The following OSMR variants were observed in gnomAD, a reference collection of about 807,000 sequenced individuals.
OSMR encodes oncostatin-M-specific receptor subunit beta.
In OSMR, 81 loss-of-function variants were observed where a neutral mutation model predicts 99.9. The observed-to-expected ratio is 0.81, with a 90% CI of 0.68 to 0.97. The LOEUF is 0.97. Ranked by LOEUF, OSMR falls within the 50% of genes least tolerant of loss-of-function variation. The pLI, the probability that OSMR is intolerant of heterozygous loss-of-function variation, is 0.00. For missense variants in OSMR, 1,099 were observed against 1,153.4 expected, an observed-to-expected ratio of 0.95 and a Z score of 0.68; for synonymous variants, 406 against 410.4, an observed-to-expected ratio of 0.99 and a Z score of 0.13.
At chr5:38,879,038 C>T (rs930733358) in intron 3 of OSMR, among the ~76,000 whole-genome samples, 1 of 152,242 alleles carries the variant, frequency 6.6e-6, no homozygotes, top group Non-Finnish European at 1.5e-5. Flanking sequence ...GGGTATTCTA[C>T]ACACGGGCTG....
chr5:38,924,156 T>C (rs1049500842), intron 13 of OSMR: 1 of 177,262 alleles, frequency 5.6e-6, no homozygotes, highest in East Asian at 1.9e-4. Context: ...TTTTTGGCTA[T>C]GTGAGCTTGT....
intron 2 of OSMR, chr5:38,944,411 TA>T: frequency 6.3e-7 from 1 of 1,577,644 alleles, no homozygotes; most frequent in Non-Finnish European, 8.6e-7. Context: ...AAAAACAGAA[TA>T]AACAAATAAT....
intron 15 of OSMR, among the ~76,000 whole-genome samples, chr5:38,927,963 G>A (rs1331785609): frequency 6.6e-6 from 1 of 152,054 alleles, no homozygotes; most frequent in Admixed American, 6.6e-5. Flanking sequence ...CTAGGGCAGG[G>A]GCAAAATGCC....
At chr5:38,922,351 G>A (rs1265915656) in intron 12 of OSMR, among the ~76,000 whole-genome samples, 11 of 152,192 alleles carry the variant, frequency 7.2e-5, no homozygotes, top group Admixed American at 2.6e-4. Context: ...TGTTCAGAGG[G>A]TGATCAAGGT....
rs1018409232 is a variant in OSMR at position 38,876,374 on chromosome 5, G to A, written c.246+1G>A. ...TGAAACATCCAATGTCATCTGGGTG[G>A]TAAGTAATTTTTTTGGCTCAATATT... On this transcript the variant is annotated splice_donor_variant, in intron 3 of 17. Transcript: ENST00000274276. LOFTEE classifies it high-confidence loss of function. The A allele has an allele frequency of 1.2e-6, 2 of 1,611,610 alleles. No individual in the cohort carries two copies. The highest frequency in any genetic ancestry group is 1.7e-6 in the Non-Finnish European group (2 of 1,178,448).
chr5:38,937,303 C>G (rs1313232677), downstream of OSMR, among the ~76,000 whole-genome samples: 2 of 152,084 alleles, frequency 1.3e-5, no homozygotes, highest in Non-Finnish European at 2.9e-5. This position sits in a 1 kb window ranked among gnomAD's most constrained non-coding sequence, Gnocchi z 4.0. Context: ...AAAGTGCTGG[C>G]GTTACAGGCG....
chr5:38,930,920 TTGTGTGTGTGTGTGTGTG>T (rs55964556), intron 15 of OSMR, among the ~76,000 whole-genome samples: 132 of 141,982 alleles, frequency 9.3e-4, no homozygotes, highest in East Asian at 4.6e-3. Context: ...CAGAAGCATT[TTGTGTGTGTGTGTGTGTG>T]TGTGTGTGTG....
intron 7 of OSMR, among the ~76,000 whole-genome samples, chr5:38,890,637 C>T (rs528228061): frequency 6.7e-6 from 1 of 149,120 alleles, no homozygotes; most frequent in South Asian, 2.1e-4. Flanking sequence ...GGCTGAAATG[C>T]CTTAAGAAAA....
chr5:38,865,783 G>GCAGA (rs752053171), intron 1 of OSMR, among the ~76,000 whole-genome samples: 7 of 152,226 alleles, frequency 4.6e-5, no homozygotes, highest in Non-Finnish European at 7.3e-5. Flanking sequence ...GGCCAGGCAG[G>GCAGA]CAGACAGATC....
chr5:38,917,673 TGGAA>T, intron 10 of OSMR, 51 bp downstream of exon 10: 10 of 1,424,176 alleles, frequency 7.0e-6, no homozygotes, highest in Non-Finnish European at 9.9e-6. Context: ...GTCACATTTG[TGGAA>T]ACAAATGTGT....
At chr5:38,851,257 G>A (rs748424379) in intron 1 of OSMR, among the ~76,000 whole-genome samples, 7 of 152,172 alleles carry the variant, frequency 4.6e-5, no homozygotes, top group Non-Finnish European at 8.8e-5. Flanking sequence ...CTTAAAGTGA[G>A]TTATCTATAA....
chr5:38,936,479 G>A (rs1747047925), downstream of OSMR, among the ~76,000 whole-genome samples: 1 of 152,116 alleles, frequency 6.6e-6, no homozygotes, highest in African/African-American at 2.4e-5. Context: ...GGGGGAACTC[G>A]ACAATTCAAG....
At chr5:38,856,082 G>A (rs1218578824) in intron 1 of OSMR, among the ~76,000 whole-genome samples, 1 of 152,122 alleles carries the variant, frequency 6.6e-6, no homozygotes, top group Non-Finnish European at 1.5e-5. Flanking sequence ...GTGTTAGTCA[G>A]GGTCCCATCC....
At chr5:38,864,236 C>CT (rs1275131309) in intron 1 of OSMR, among the ~76,000 whole-genome samples, 1 of 151,884 alleles carries the variant, frequency 6.6e-6, no homozygotes, top group African/African-American at 2.4e-5. Flanking sequence ...TTTTTATATT[C>CT]TTTTTTCTTT....
At chr5:38,923,396 T>A (rs1469348808) in intron 13 of OSMR, 142 bp downstream of exon 13, 20 of 653,128 alleles carry the variant, frequency 3.1e-5, no homozygotes, top group Non-Finnish European at 5.5e-5. Flanking sequence ...GTTTTTAAAA[T>A]TATTTTTTAA....
At chr5:38,916,587 G>A (rs1266650621) in intron 9 of OSMR, among the ~76,000 whole-genome samples, 1 of 152,172 alleles carries the variant, frequency 6.6e-6, no homozygotes, top group African/African-American at 2.4e-5. Flanking sequence ...ATTATTATGT[G>A]TAAAAGAGAT....
intron 1 of OSMR, chr5:38,942,083 T>C (rs887452937): frequency 2.6e-6 from 1 of 383,160 alleles, no homozygotes; most frequent in African/African-American, 2.1e-5. Context: ...ACTGTGGTAA[T>C]GAATCATGAA....
At chr5:38,851,562 G>A (rs1341372322) in intron 1 of OSMR, among the ~76,000 whole-genome samples, 1 of 152,192 alleles carries the variant, frequency 6.6e-6, no homozygotes, top group Non-Finnish European at 1.5e-5. Context: ...CCTGGGGTGT[G>A]TGAATCTTCC....
chr5:38,924,227 A>G (rs879443907), intron 13 of OSMR, 195 bp from the exon 14 acceptor site: 93 of 772,456 alleles, frequency 1.2e-4, no homozygotes, highest in Non-Finnish European at 1.4e-4. Flanking sequence ...CTTGAACAAG[A>G]TTGCTCAACT....
Sources: allele counts gnomAD v4.1 joint callset (sites outside exome capture counted in the v4.1 genomes callset), GRCh38; gene constraint gnomAD v4.1.1; non-coding constraint Gnocchi (gnomAD v3.1); transcripts MANE v1.5; gene names NCBI Gene and HGNC (gene_info 2026-07-23, HGNC 2026-07-21).